Variants in ZNF516 observed in about 807,000 individuals in gnomAD.
The protein encoded by ZNF516 is zinc finger protein 516.
In ZNF516, 19 loss-of-function variants were observed where a neutral mutation model predicts 79.7. The ratio of observed to expected loss-of-function variants is 0.24; its 90% CI spans 0.17 to 0.35. ZNF516 has a LOEUF of 0.35. Ranked by LOEUF, ZNF516 falls within the 10% of genes least tolerant of loss-of-function variation. ZNF516 has a pLI of 1.00. For missense variants in ZNF516, 1,678 were observed against 1,679.5 expected (o/e 1.00, Z 0.02); for synonymous variants, 877 against 739.5 (o/e 1.19, Z -3.02).
At position 76,380,172 on chromosome 18, in the gene ZNF516, C is replaced by G; in HGVS notation, c.1942G>C (p.Ala648Pro). 1 of 1,613,982 alleles carries G rather than the reference C, an allele frequency of 6.2e-7. No individual in the cohort carries two copies. Residue 648 changes from alanine (A) to proline (P), a missense_variant, in exon 4 of 7, where the codon GCT becomes CCT. Coordinates refer to ENST00000443185, the MANE Select transcript of ZNF516 (RefSeq NM_014643.4). ...CTGTTTTCAAGTATGGACACAGAAG[C>G]TGCGATCCCTGCCTTGGACTCGCCG... is the stretch of plus-strand genomic sequence containing the variant. ...DTGESKAGIA[A>P]SVSILENSSR...
chr18:76,491,738 C>G (rs1915238523), intron 1 of ZNF516: 1 of 150,364 alleles, frequency 6.7e-6, no homozygotes, highest in Admixed American at 6.6e-5. Context: ...GCCCTGCGCT[C>G]TCGCCCCCGG....
chr18:76,388,083 T>G (rs1271155484), intron 3 of ZNF516: 2 of 152,192 alleles, frequency 1.3e-5, no homozygotes. Context: ...GTGGGACAGC[T>G]GAACTCCAGG....
intron 3 of ZNF516, among the ~76,000 whole-genome samples, chr18:76,420,542 T>C (rs1378482613): frequency 1.3e-5 from 2 of 152,084 alleles, no homozygotes; most frequent in East Asian, 1.9e-4. Context: ...TATGTGGAAA[T>C]TGGGGAGTGG....
intron 3 of ZNF516, among the ~76,000 whole-genome samples, chr18:76,435,026 A>T (rs1281780180): frequency 6.6e-6 from 1 of 152,248 alleles, no homozygotes; most frequent in Non-Finnish European, 1.5e-5. Flanking sequence ...ATGGGGCAAA[A>T]GCCAACCCTG....
chr18:76,402,415 T>G (rs111472466), intron 3 of ZNF516, among the ~76,000 whole-genome samples: 18 of 152,166 alleles, frequency 1.2e-4, no homozygotes, highest in Admixed American at 4.6e-4. Flanking sequence ...GACATTTCCT[T>G]TCATCCAAGC....
rs776977927 is a variant in ZNF516 at position 76,360,632 on chromosome 18, T to TAAAAAAAAAAAA, written c.*1854_*1865dup. On this transcript the variant is annotated 3_prime_UTR_variant, in exon 7 of 7. Transcript: ENST00000443185. ...TGTAAGAATATCAGAAAAAAATAAG[T>TAAAAAAAAAAAA]AAAAAAAAAAAAAAATATATATATA... The TAAAAAAAAAAAA allele has an allele frequency of 2.7e-4, 7 of 25,710 alleles. No individual in the cohort carries two copies. The highest frequency in any genetic ancestry group is 6.7e-4 in the African/African-American group (5 of 7,418). 1.6% of individuals were successfully genotyped at this position (25,710 alleles called of 1,614,324 possible).
At chr18:76,435,801 G>C (rs2075725300) in intron 3 of ZNF516, among the ~76,000 whole-genome samples, 1 of 152,168 alleles carries the variant, frequency 6.6e-6, no homozygotes, top group Admixed American at 6.5e-5. Flanking sequence ...CTCTTCCAAA[G>C]CCTGCAATCG....
chr18:76,365,893 C>T (rs998225391), intron 6 of ZNF516, among the ~76,000 whole-genome samples: 2 of 152,168 alleles, frequency 1.3e-5, no homozygotes, highest in African/African-American at 4.8e-5. Flanking sequence ...TACGGGAAGC[C>T]CTGTTATTTA....
At chr18:76,458,795 CGT>C (rs990833216) in intron 2 of ZNF516, among the ~76,000 whole-genome samples, 2 of 145,428 alleles carry the variant, frequency 1.4e-5, no homozygotes, top group East Asian at 2.0e-4. Flanking sequence ...CACCGTCGTG[CGT>C]GTGCGTGCCT....
chr18:76,391,002 T>C (rs567907220), intron 3 of ZNF516, among the ~76,000 whole-genome samples: 15 of 152,184 alleles, frequency 9.9e-5, no homozygotes, highest in South Asian at 2.1e-4. Flanking sequence ...GCTGAGCTCA[T>C]TGACACTGGC....
intron 2 of ZNF516, among the ~76,000 whole-genome samples, chr18:76,448,073 T>C (rs1912168602): frequency 1.3e-5 from 2 of 152,180 alleles, no homozygotes; most frequent in South Asian, 2.1e-4. Context: ...TGTTTACTCA[T>C]AACATAAAAA....
intron 4 of ZNF516, among the ~76,000 whole-genome samples, chr18:76,377,577 CT>C (rs2074808244): frequency 6.6e-6 from 1 of 152,246 alleles, no homozygotes; most frequent in African/African-American, 2.4e-5. Context: ...CACGGTGGAT[CT>C]GGGGAGGCTG....
chr18:76,491,266 G>A (rs1016639847), intron 1 of ZNF516, among the ~76,000 whole-genome samples: 1 of 15,514 alleles, frequency 6.4e-5, no homozygotes, highest in Non-Finnish European at 1.2e-4. Flanking sequence ...GACCGGACCC[G>A]CCCCCCTCCC....
At chr18:76,399,437 A>G (rs977468088) in intron 3 of ZNF516, among the ~76,000 whole-genome samples, 5 of 152,242 alleles carry the variant, frequency 3.3e-5, no homozygotes, top group Non-Finnish European at 2.9e-5. Flanking sequence ...GTCCATGAAC[A>G]TTACATGTGG....
chr18:76,368,724 A>G (rs2074657372), intron 6 of ZNF516, among the ~76,000 whole-genome samples: 1 of 152,242 alleles, frequency 6.6e-6, no homozygotes, highest in African/African-American at 2.4e-5. Flanking sequence ...ATCAAGAATG[A>G]GTAACAATTA....
In ZNF516 at chr18:76,492,226, T is replaced by C. The variant is rs1042472563; in HGVS notation, c.-272+2918A>G. ...CGGAAGACACCGCGTCTCCAACATT[T>C]ACACGGAGATGCTGCTCGGCTCAGG... On this transcript the variant is annotated intron_variant, in intron 1 of 6. Transcript: ENST00000443185. The C allele has an allele frequency of 4.1e-6, 4 of 985,286 alleles. No homozygotes were observed. In the African/African-American group the frequency reaches 7.0e-5, roughly 17 times the overall value. The allele number at this position is 985,286 out of a possible 1,614,324, so 61.0% of individuals were successfully genotyped here.
chr18:76,460,004 G>A (rs898541259), intron 2 of ZNF516, among the ~76,000 whole-genome samples: 5 of 152,102 alleles, frequency 3.3e-5, no homozygotes, highest in African/African-American at 4.8e-5. Context: ...ATCAACATAC[G>A]CCAAGGAATG....
intron 3 of ZNF516, among the ~76,000 whole-genome samples, chr18:76,426,266 T>C (rs1286912419): frequency 6.6e-6 from 1 of 152,222 alleles, no homozygotes; most frequent in Non-Finnish European, 1.5e-5. Flanking sequence ...ATTATTCTTC[T>C]AGCCTTTGCT....
At chr18:76,414,889 G>C (rs1458307919) in intron 3 of ZNF516, among the ~76,000 whole-genome samples, 1 of 152,220 alleles carries the variant, frequency 6.6e-6, no homozygotes, top group Admixed American at 6.5e-5. Flanking sequence ...TCAGCTCTGG[G>C]TTCTAATACA....
Sources: allele counts gnomAD v4.1 joint callset (sites outside exome capture counted in the v4.1 genomes callset), GRCh38; gene constraint gnomAD v4.1.1; transcripts MANE v1.5; gene names NCBI Gene and HGNC (gene_info 2026-07-23, HGNC 2026-07-21).